Variants in PPP1R12B observed in about 807,000 individuals in gnomAD.
The protein encoded by PPP1R12B is myosin phosphatase target subunit 2.
PPP1R12B carries 76 observed loss-of-function variants against 126.1 expected under a neutral mutation model. The ratio of observed to expected loss-of-function variants is 0.60; its 90% CI spans 0.50 to 0.73. The LOEUF is 0.73. Ranked by LOEUF, PPP1R12B falls within the 30% of genes least tolerant of loss-of-function variation. The pLI is 0.00. For missense variants in PPP1R12B, 1,052 were observed against 1,205.1 expected (o/e 0.87, Z 1.88); for synonymous variants, 356 against 434.7 (o/e 0.82, Z 2.25).
At position 202,589,639 on chromosome 1, in the gene PPP1R12B, G is replaced by C. The variant is rs1274818149; in HGVS notation, c.*9079G>C. The C allele has an allele frequency of 6.6e-6, 1 of 152,248 alleles. No individual in the cohort carries two copies. The highest frequency in any genetic ancestry group is 1.5e-5 in the Non-Finnish European group (1 of 68,078). 9.4% of individuals were successfully genotyped at this position (152,248 alleles called of 1,614,324 possible). A position where few individuals can be genotyped will look rare whatever the true frequency, so the allele number is the denominator to read the frequency against. ...TGGTCCAGCCCTCTTGGGGGGAAAG[G>C]AGAAGGCCACAACCTATTGGCAGAG... On this transcript the variant is annotated 3_prime_UTR_variant, in exon 24 of 24. Coordinates refer to ENST00000608999, the MANE Select transcript of PPP1R12B (RefSeq NM_002481.4).
intron 1 of PPP1R12B, among the ~76,000 whole-genome samples, chr1:202,389,306 A>G (rs549374156): frequency 5.3e-5 from 8 of 152,338 alleles, no homozygotes; most frequent in African/African-American, 1.9e-4. Context: ...TTTTGTGATC[A>G]AGGATTAATA....
chr1:202,371,481 A>AGTGT (rs373210842), intron 1 of PPP1R12B, among the ~76,000 whole-genome samples: 11 of 148,426 alleles, frequency 7.4e-5, no homozygotes, highest in South Asian at 2.1e-4. Context: ...CATTATTTGG[A>AGTGT]GTGTGTGTGT....
chr1:202,509,079 G>A (rs568927897), intron 18 of PPP1R12B, among the ~76,000 whole-genome samples: 6 of 152,358 alleles, frequency 3.9e-5, no homozygotes, highest in Non-Finnish European at 8.8e-5. Context: ...TGCAGGCCAC[G>A]CTGCAGTTTG....
chr1:202,498,986 G>A (rs1679890375), intron 18 of PPP1R12B, among the ~76,000 whole-genome samples: 1 of 151,934 alleles, frequency 6.6e-6, no homozygotes, highest in African/African-American at 2.4e-5. Flanking sequence ...CTCTTCCCAA[G>A]ACTCTAATAT....
chr1:202,378,930 G>T (rs530697369), intron 1 of PPP1R12B, among the ~76,000 whole-genome samples: 1 of 151,900 alleles, frequency 6.6e-6, no homozygotes, highest in East Asian at 1.9e-4. Context: ...TTCTGCTCAC[G>T]ATTCCTCTTC....
rs563350346 is a variant in PPP1R12B at position 202,360,375 on chromosome 1, T to A, written c.291+11233T>A. ...TATCATCACATCACAAGAAGCTCCT[T>A]GTATTGCGCTTCTAATTGGGTTACC... On this transcript the variant is annotated intron_variant, in intron 1 of 23. Transcript: ENST00000608999. Among the ~76,000 whole-genome samples, 9 of 152,302 alleles carry A rather than the reference T, an allele frequency of 5.9e-5. No homozygotes were observed. The East Asian group carries it at 1.7e-3, about 29-fold the overall frequency.
chr1:202,539,920 T>C (rs1161974262), intron 18 of PPP1R12B: 16 of 674,886 alleles, frequency 2.4e-5, no homozygotes, highest in African/African-American at 1.1e-4. Context: ...CAAAGCTGAA[T>C]TGAAAATATT....
intron 23 of PPP1R12B, among the ~76,000 whole-genome samples, chr1:202,571,867 C>T (rs943411540): frequency 2.0e-5 from 3 of 152,046 alleles, no homozygotes; most frequent in African/African-American, 7.2e-5. Flanking sequence ...CTCTAAAGCC[C>T]CTAAACACTA....
intron 13 of PPP1R12B, among the ~76,000 whole-genome samples, chr1:202,484,835 G>T (rs74136790): frequency 1.1e-4 from 16 of 152,018 alleles, no homozygotes; most frequent in African/African-American, 3.9e-4. Context: ...TGGCCTACAG[G>T]ATTTCTCCTG....
chr1:202,571,620 A>AT (rs1208619494), intron 23 of PPP1R12B, among the ~76,000 whole-genome samples: 1 of 152,044 alleles, frequency 6.6e-6, no homozygotes, highest in African/African-American at 2.4e-5. Context: ...CACCCAGTTA[A>AT]TTTTTTTGTA....
At chr1:202,467,479 G>GT (rs1675191175) in intron 13 of PPP1R12B, among the ~76,000 whole-genome samples, 2 of 151,904 alleles carry the variant, frequency 1.3e-5, no homozygotes, top group Non-Finnish European at 2.9e-5. Flanking sequence ...GCGGTGTTTG[G>GT]TTTTTTGTCC....
At position 202,581,907 on chromosome 1, in the gene PPP1R12B, G is replaced by A. The variant is rs752298495; in HGVS notation, c.*1347G>A. 1 of 152,154 alleles carries A rather than the reference G, an allele frequency of 6.6e-6. No homozygotes were observed. Among genetic ancestry groups the A allele is most frequent in the Non-Finnish European group, 1.5e-5 (1 of 68,024 alleles). The allele number at this position is 152,154 out of a possible 1,614,324, so 9.4% of individuals were successfully genotyped here. ...ATGAGAGTCATGGAAGTTTAGAGTG[G>A]CAAGACCCAGAGGTCATTAGGTCCA... On this transcript the variant is annotated 3_prime_UTR_variant, in exon 24 of 24. Transcript: ENST00000608999.
chr1:202,425,395 T>C (rs1267885030), intron 3 of PPP1R12B, among the ~76,000 whole-genome samples, 171 bp from the exon 4 acceptor site: 1 of 152,228 alleles, frequency 6.6e-6, no homozygotes, highest in African/African-American at 2.4e-5. Flanking sequence ...GGTAAGACCA[T>C]TAATATGTGT....
chr1:202,540,272 A>G (rs1301737860), intron 18 of PPP1R12B: 2 of 1,509,600 alleles, frequency 1.3e-6, no homozygotes, highest in Non-Finnish European at 1.8e-6. Context: ...ACGTATGTTC[A>G]TAGCTGTGTC....
At chr1:202,473,896 A>G (rs933134022) in intron 13 of PPP1R12B, 4 of 532,200 alleles carry the variant, frequency 7.5e-6, no homozygotes, top group Non-Finnish European at 1.5e-5. Context: ...CTTTCTTGCT[A>G]TTCATTTCCA....
intron 14 of PPP1R12B, among the ~76,000 whole-genome samples, chr1:202,491,427 G>A (rs1344920395): frequency 1.3e-5 from 2 of 152,150 alleles, no homozygotes; most frequent in Non-Finnish European, 2.9e-5. Context: ...GAGATTACAG[G>A]TGTGAGCCAC....
intron 13 of PPP1R12B, among the ~76,000 whole-genome samples, chr1:202,465,662 G>A (rs1388967959): frequency 1.3e-5 from 2 of 152,186 alleles, no homozygotes; most frequent in Non-Finnish European, 2.9e-5. Flanking sequence ...TTGGCTGACA[G>A]CAATTACCTG....
rs373153966 is a variant in PPP1R12B, at chr1:202,374,655, C to T, written c.291+25513C>T. Among the ~76,000 whole-genome samples, 96 of 151,952 alleles carry T rather than the reference C, an allele frequency of 6.3e-4. No homozygotes were observed. In the South Asian group the frequency reaches 0.011, roughly 17 times the overall value. On this transcript the variant is annotated intron_variant, in intron 1 of 23. Transcript: ENST00000608999. Reference sequence around the variant, plus strand: ...CTGGGGCTACAGGTGCATGCCGCCACGCCCAGCTAATTTTTTTGTAGTTTT... The same window carrying T: ...CTGGGGCTACAGGTGCATGCCGCCATGCCCAGCTAATTTTTTTGTAGTTTT...
chr1:202,448,357 TG>T (rs907627100), intron 12 of PPP1R12B: 46 of 152,398 alleles, frequency 3.0e-4, no homozygotes, highest in African/African-American at 1.0e-3. Flanking sequence ...GAATCCGGTT[TG>T]GTTTTTGTTT....
Sources: allele counts gnomAD v4.1 joint callset (sites outside exome capture counted in the v4.1 genomes callset), GRCh38; gene constraint gnomAD v4.1.1; transcripts MANE v1.5; gene names NCBI Gene and HGNC (gene_info 2026-07-23, HGNC 2026-07-21).